Variants in CNTNAP3 observed in about 807,000 individuals in gnomAD.
CNTNAP3 encodes contactin-associated protein-like 3.
Under a neutral mutation model 92.1 loss-of-function variants are expected in CNTNAP3, and 36 were observed. The ratio of observed to expected loss-of-function variants is 0.39; its 90% CI spans 0.30 to 0.52. The LOEUF is 0.52. Among genes scored for constraint, CNTNAP3 ranks in the 20% least tolerant of loss-of-function variants. The probability of loss-of-function intolerance (pLI) is 0.76; values close to 1 mark genes in which losing one functional copy is unlikely to be tolerated. For missense variants in CNTNAP3, 534 were observed against 1,069.6 expected (o/e 0.50, Z 6.98); for synonymous variants, 232 against 422.3 (o/e 0.55, Z 5.53).
chr9:39,101,815 T>C lies in CNTNAP3; in HGVS notation c.2755+682A>G, dbSNP rs1826461991. ...TAAAAATGTCTAATGATCTCACTAA[T>C]AGTGTTGATAAAATATAGCTGTCAC... On this transcript the variant is annotated intron_variant, in intron 17 of 23. Coordinates refer to ENST00000297668, the MANE Select transcript of CNTNAP3 (RefSeq NM_033655.5). 4.6e-5 allele frequency among the ~76,000 whole-genome samples: 7 copies of C among 152,274 alleles called. No individual in the cohort carries two copies. The South Asian group carries it at 1.5e-3, about 32-fold the overall frequency.
intron 9 of CNTNAP3, among the ~76,000 whole-genome samples, chr9:39,152,231 T>TA (rs1258077161): frequency 7.7e-6 from 1 of 130,394 alleles, no homozygotes; most frequent in Non-Finnish European, 1.6e-5. Context: ...ATTTCTATTT[T>TA]AATAACTGAA....
intron 21 of CNTNAP3, among the ~76,000 whole-genome samples, chr9:39,080,410 A>G (rs1289256926): frequency 1.5e-5 from 2 of 135,070 alleles, no homozygotes; most frequent in African/African-American, 2.8e-5. Context: ...CCACTCAGAC[A>G]CCCCACCCCA....
intron 23 of CNTNAP3, among the ~76,000 whole-genome samples, chr9:39,074,985 G>A (rs571186107): frequency 1.5e-3 from 225 of 151,796 alleles, no homozygotes; most frequent in African/African-American, 5.2e-3. Context: ...AGCTAGGATG[G>A]TCTCGATCTC....
chr9:39,084,280 C>T (rs1826018396), intron 21 of CNTNAP3, among the ~76,000 whole-genome samples: 1 of 150,476 alleles, frequency 6.6e-6, no homozygotes, highest in East Asian at 2.0e-4. Context: ...GCAAGCTCCG[C>T]CTCCTGGGTT....
chr9:39,141,000 G>T (rs2118093704), intron 11 of CNTNAP3, among the ~76,000 whole-genome samples: 1 of 152,274 alleles, frequency 6.6e-6, no homozygotes, highest in South Asian at 2.1e-4. Context: ...ATCTTCAATA[G>T]ACAATCTTTT....
chr9:39,077,021 C>T (rs1309453799), intron 23 of CNTNAP3, among the ~76,000 whole-genome samples: 1 of 152,298 alleles, frequency 6.6e-6, no homozygotes, highest in African/African-American at 2.4e-5. Flanking sequence ...TTATTTTTTG[C>T]ACCAGCTCTA....
chr9:39,088,061 T>C (rs1032370459), intron 19 of CNTNAP3, among the ~76,000 whole-genome samples: 27 of 152,152 alleles, frequency 1.8e-4, no homozygotes, highest in African/African-American at 5.8e-4. Context: ...GCTCCTCTAT[T>C]TTGCTTAGAA....
chr9:39,105,146 G>A (rs142371621), intron 15 of CNTNAP3, among the ~76,000 whole-genome samples: 97 of 152,046 alleles, frequency 6.4e-4, no homozygotes, highest in African/African-American at 2.3e-3. Context: ...AGCTTTTCTC[G>A]GCTAGGTGCA....
At chr9:39,146,113 A>G (rs977459839) in intron 10 of CNTNAP3, among the ~76,000 whole-genome samples, 3 of 152,164 alleles carry the variant, frequency 2.0e-5, no homozygotes, top group African/African-American at 7.2e-5. Context: ...TTTTTCTTCA[A>G]CTAAACACAA....
rs1324605270 is a variant in CNTNAP3, at chr9:39,232,893, C to CA, written c.390+6099dup. ...TAGTTCCACTCACATTTGCTCCAGT[C>CA]AGGCCCGGAAAATAAAGATAACAAT... On this transcript the variant is annotated intron_variant, in intron 3 of 23. Coordinates refer to ENST00000297668, the MANE Select transcript of CNTNAP3 (RefSeq NM_033655.5). Among the ~76,000 whole-genome samples, 2 of 26,790 alleles carry CA rather than the reference C, an allele frequency of 7.5e-5. 1 individual carries two copies. The highest frequency in any genetic ancestry group is 1.4e-4 in the African/African-American group (2 of 14,434). 17.6% of individuals were successfully genotyped at this position (26,790 alleles called of 152,430 possible).
chr9:39,159,100 T>A (rs913609944), intron 9 of CNTNAP3: 9 of 148,756 alleles, frequency 6.1e-5, no homozygotes, highest in Admixed American at 2.0e-4. Flanking sequence ...TTGCTGCGTA[T>A]CTGTTTCAAA....
intron 15 of CNTNAP3, among the ~76,000 whole-genome samples, chr9:39,106,959 A>G (rs1826619624): frequency 6.6e-6 from 1 of 152,066 alleles, no homozygotes. Context: ...AATTCAACAG[A>G]TCCCTCCCTT....
chr9:39,075,616 A>G (rs1414346127), intron 23 of CNTNAP3, among the ~76,000 whole-genome samples: 6 of 152,262 alleles, frequency 3.9e-5, no homozygotes, highest in African/African-American at 1.4e-4. Context: ...GACCATTCTT[A>G]CCAGCTCAGG....
chr9:39,148,082 T>C (rs1419023565), intron 10 of CNTNAP3, among the ~76,000 whole-genome samples: 1 of 152,010 alleles, frequency 6.6e-6, no homozygotes, highest in Admixed American at 6.6e-5. Context: ...CTTGGGATTA[T>C]ATTAAGTGAG....
chr9:39,142,459 T>C (rs1244807224), intron 11 of CNTNAP3, among the ~76,000 whole-genome samples: 1 of 151,966 alleles, frequency 6.6e-6, no homozygotes, highest in Non-Finnish European at 1.5e-5. Context: ...GATCACAAGG[T>C]CAGGAGATCG....
At chr9:39,100,767 G>C (rs1249185072) in intron 17 of CNTNAP3, among the ~76,000 whole-genome samples, 1 of 151,538 alleles carries the variant, frequency 6.6e-6, no homozygotes, top group Non-Finnish European at 1.5e-5. Context: ...TGCACATTTT[G>C]TCATGTCAAA....
At position 39,068,709 on chromosome 9, in the gene CNTNAP3, C is replaced by A. The variant is rs1459990838; in HGVS notation, c.*5181G>T. Among the ~76,000 whole-genome samples the A allele has an allele frequency of 7.0e-4, 106 of 151,392 alleles. No individual in the cohort carries two copies. Among genetic ancestry groups the A allele is most frequent in the Non-Finnish European group, 1.1e-3 (74 of 67,428 alleles). The stretch of plus-strand genomic sequence containing the variant: ...AGCCACCTTCGTGTACCTGAACTCT[C>A]AGCAACAGCTACTCCATTCAGAGAC... On this transcript the variant is annotated 3_prime_UTR_variant, in exon 24 of 24. Coordinates refer to ENST00000297668, the MANE Select transcript of CNTNAP3 (RefSeq NM_033655.5).
intron 23 of CNTNAP3, among the ~76,000 whole-genome samples, chr9:39,077,294 C>G (rs1394671974): frequency 6.6e-6 from 1 of 152,036 alleles, no homozygotes; most frequent in African/African-American, 2.4e-5. Context: ...CTTAAATAAT[C>G]ACGCCTGTAA....
At chr9:39,134,770 C>G (rs1821389053) in intron 12 of CNTNAP3, among the ~76,000 whole-genome samples, 1 of 152,172 alleles carries the variant, frequency 6.6e-6, no homozygotes, top group Non-Finnish European at 1.5e-5. Flanking sequence ...CTGTGCACAT[C>G]ACCTACTCTC....
Sources: allele counts gnomAD v4.1 joint callset (sites outside exome capture counted in the v4.1 genomes callset), GRCh38; gene constraint gnomAD v4.1.1; transcripts MANE v1.5; gene names NCBI Gene and HGNC (gene_info 2026-07-23, HGNC 2026-07-21).